Variants in GPD1L observed in about 807,000 individuals in gnomAD.
GPD1L encodes the protein glycerol-3-phosphate dehydrogenase 1-like protein.
GPD1L carries 17 observed loss-of-function variants against 32.9 expected under a neutral mutation model. That is an observed-to-expected ratio of 0.52 (90% CI 0.35 to 0.78). The LOEUF is 0.78. Ranked by LOEUF, GPD1L falls within the 30% of genes least tolerant of loss-of-function variation. The pLI is 0.01. For synonymous variants in GPD1L, 187 were observed against 165.9 expected (o/e 1.13, Z -0.98); for missense variants, 361 against 447.8 (o/e 0.81, Z 1.75).
intron 4 of GPD1L, among the ~76,000 whole-genome samples, chr3:32,141,163 GCT>G (rs1434557903): frequency 6.6e-6 from 1 of 152,186 alleles, no homozygotes; most frequent in Non-Finnish European, 1.5e-5. Context: ...GTAAAAGGAA[GCT>G]CTGAGAGATG....
At chr3:32,135,060 A>G (rs929944603) in intron 2 of GPD1L, among the ~76,000 whole-genome samples, 1 of 152,226 alleles carries the variant, frequency 6.6e-6, no homozygotes, top group Non-Finnish European at 1.5e-5. Context: ...TCAGTTGCAG[A>G]TGTGCAACCC....
intron 2 of GPD1L, among the ~76,000 whole-genome samples, chr3:32,138,021 A>C (rs1237594387): frequency 1.3e-5 from 2 of 152,212 alleles, no homozygotes; most frequent in Non-Finnish European, 2.9e-5. Context: ...ATGGCCTTAG[A>C]AAGGGGCTGC....
intron 1 of GPD1L, among the ~76,000 whole-genome samples, chr3:32,116,415 G>A (rs1220064960): frequency 6.6e-6 from 1 of 152,160 alleles, no homozygotes; most frequent in Non-Finnish European, 1.5e-5. Flanking sequence ...AGGAACTCTT[G>A]TGAGTTTGAG....
At chr3:32,145,398 G>C (rs1290659892) in intron 4 of GPD1L, among the ~76,000 whole-genome samples, 1 of 152,208 alleles carries the variant, frequency 6.6e-6, no homozygotes, top group East Asian at 1.9e-4. Context: ...GAAAATATGA[G>C]ATTGCTATAA....
At chr3:32,160,837 C>T (rs576960654) in intron 7 of GPD1L, among the ~76,000 whole-genome samples, 2 of 152,274 alleles carry the variant, frequency 1.3e-5, no homozygotes, top group African/African-American at 2.4e-5. Context: ...TTTCTCTTGC[C>T]GATTTACTGA....
At chr3:32,124,785 T>C (rs1700483283) in intron 1 of GPD1L, among the ~76,000 whole-genome samples, 1 of 152,010 alleles carries the variant, frequency 6.6e-6, no homozygotes. Flanking sequence ...AAAAATTAGC[T>C]GGGCGTGGTG....
intron 4 of GPD1L, 25 bp downstream of exon 4, chr3:32,140,391 C>T: frequency 6.2e-7 from 1 of 1,613,216 alleles, no homozygotes; most frequent in Non-Finnish European, 8.5e-7. Context: ...GGAGGGACCC[C>T]AGGAGTCTGG....
At chr3:32,112,185 A>G (rs1700262583) in intron 1 of GPD1L, among the ~76,000 whole-genome samples, 1 of 151,806 alleles carries the variant, frequency 6.6e-6, no homozygotes, top group Non-Finnish European at 1.5e-5. Context: ...TGGTATACAA[A>G]TCATGAGTGG....
chr3:32,143,040 C>T (rs1700770731), intron 4 of GPD1L, among the ~76,000 whole-genome samples: 1 of 152,002 alleles, frequency 6.6e-6, no homozygotes, highest in Non-Finnish European at 1.5e-5. Context: ...TTTAATTAGC[C>T]TGGTATGGTA....
chr3:32,147,821 GTA>G (rs1295769096), intron 5 of GPD1L, among the ~76,000 whole-genome samples: 1 of 152,126 alleles, frequency 6.6e-6, no homozygotes, highest in Non-Finnish European at 1.5e-5. Context: ...CTCATAAATT[GTA>G]TATGTTTTTT....
At chr3:32,146,755 G>A (rs763754815) in intron 5 of GPD1L, 21 bp downstream of exon 5, 2 of 1,389,184 alleles carry the variant, frequency 1.4e-6, no homozygotes, top group Non-Finnish European at 2.0e-6. Context: ...CCTCAGGGGA[G>A]GAGTTCATCA....
At chr3:32,146,882 G>T in intron 5 of GPD1L, 148 bp downstream of exon 5, 1 of 689,944 alleles carries the variant, frequency 1.4e-6, no homozygotes, top group Non-Finnish European at 2.6e-6. Flanking sequence ...TTCCTGTTTT[G>T]CTGCAGCCTT....
At chr3:32,133,300 G>GAAC (rs1294518821) in intron 2 of GPD1L, among the ~76,000 whole-genome samples, 1 of 152,142 alleles carries the variant, frequency 6.6e-6, no homozygotes, top group African/African-American at 2.4e-5. Context: ...ATAAAAATGA[G>GAAC]AACAGCCTTG....
intron 5 of GPD1L, among the ~76,000 whole-genome samples, chr3:32,152,684 GC>G (rs750457099): frequency 1.3e-5 from 2 of 152,096 alleles, no homozygotes; most frequent in Admixed American, 1.3e-4. Context: ...TGCCACAGTG[GC>G]CACCGAATTT....
At chr3:32,125,561 G>C (rs1215789238) in intron 1 of GPD1L, among the ~76,000 whole-genome samples, 1 of 152,196 alleles carries the variant, frequency 6.6e-6, no homozygotes, top group Non-Finnish European at 1.5e-5. Flanking sequence ...ATAGAAGGTT[G>C]AGCCTGGGAG....
At position 32,138,639 on chromosome 3, in the gene GPD1L, T is replaced by C. The variant is rs778927711; in HGVS notation, c.278T>C (p.Phe93Ser). ...GTGCAGGATGCAGACCTGCTGGTGT[T>C]TGTCATTCCCCACCAGTTCATTCAC... is the stretch of plus-strand genomic sequence containing the variant. ...EAVQDADLLVFVIPHQFIHRI... is the reference protein window; with the variant it reads ...EAVQDADLLVSVIPHQFIHRI... Residue 93 changes from phenylalanine to serine, a missense_variant, in exon 3 of 8, where the codon TTT (phenylalanine) becomes TCT (serine). Transcript: ENST00000282541. 1.2e-6 allele frequency: 2 copies of C among 1,613,776 alleles called. No homozygotes were observed. The highest frequency in any genetic ancestry group is 1.7e-5 in the Admixed American group (1 of 60,006).
intron 5 of GPD1L, among the ~76,000 whole-genome samples, chr3:32,147,106 C>G (rs1447255161): frequency 2.0e-5 from 3 of 152,172 alleles, no homozygotes; most frequent in Non-Finnish European, 2.9e-5. Flanking sequence ...GAACTTGTTT[C>G]CTCTGAATTA....
chr3:32,165,839 C>T lies in GPD1L; in HGVS notation c.985C>T (p.Gln329Ter). Residue 329 changes from glutamine to a stop codon, truncating the protein, a stop_gained, in exon 8 of 8, where the codon CAG becomes TAG. Transcript: ENST00000282541. LOFTEE classifies it high-confidence loss of function. Reference sequence around the variant, plus strand: ...GTTTCCATTGTTTACTGCAGTGTATCAGATCTGCTACGAAAGCAGACCAGT... The same window carrying T: ...GTTTCCATTGTTTACTGCAGTGTATTAGATCTGCTACGAAAGCAGACCAGT... ...DKFPLFTAVY[Q>*]ICYESRPVQE... The T allele has an allele frequency of 6.2e-7, 1 of 1,605,388 alleles. No individual in the cohort carries two copies. The highest frequency in any genetic ancestry group is 8.5e-7 in the Non-Finnish European group (1 of 1,172,022).
intron 4 of GPD1L, among the ~76,000 whole-genome samples, chr3:32,141,570 A>C (rs2125487101): frequency 6.6e-6 from 1 of 152,290 alleles, no homozygotes; most frequent in South Asian, 2.1e-4. Context: ...TTTGAAAAAT[A>C]ATATTTGTTG....
Sources: allele counts gnomAD v4.1 joint callset (sites outside exome capture counted in the v4.1 genomes callset), GRCh38; gene constraint gnomAD v4.1.1; transcripts MANE v1.5; gene names NCBI Gene and HGNC (gene_info 2026-07-23, HGNC 2026-07-21).